Variants in USE1 observed in about 807,000 individuals in gnomAD.
USE1 encodes vesicle transport protein USE1.
In USE1, 32 loss-of-function variants were observed where a neutral mutation model predicts 37.6. The ratio of observed to expected loss-of-function variants is 0.85; its 90% CI spans 0.64 to 1.14. USE1 has a LOEUF of 1.14. Among genes scored for constraint, USE1 ranks in the 50% most tolerant of loss-of-function variants. The pLI, the probability that USE1 is intolerant of heterozygous loss-of-function variation, is 0.00. For missense variants in USE1, 310 were observed against 332.2 expected (o/e 0.93, Z 0.52); for synonymous variants, 149 against 137.6 (o/e 1.08, Z -0.58).
rs1434160025 is a variant in USE1, at chr19:17,217,317, G to A, written c.385-136G>A. ...ACCTGGCTAACTTTTTGTATTTTTAGTAGAGATGGAATTTCATTATGTTGG... is the reference window on the plus strand; with the variant it reads ...ACCTGGCTAACTTTTTGTATTTTTAATAGAGATGGAATTTCATTATGTTGG... On this transcript the variant is annotated intron_variant, in intron 4 of 7. Coordinates refer to ENST00000263897, the MANE Select transcript of USE1 (RefSeq NM_018467.4). The A allele has an allele frequency of 4.1e-6, 4 of 966,962 alleles. No homozygotes were observed. In the African/African-American group the frequency reaches 6.6e-5, roughly 16 times the overall value. The allele number at this position is 966,962 out of a possible 1,614,324, so 59.9% of individuals were successfully genotyped here.
chr19:17,215,779 G>A lies in USE1; in HGVS notation c.103-23G>A, dbSNP rs1167276595. ...CAGGACATGGGAAAGACCCCCGGGT[G>A]ACAATCCACTTTTCCTCCCCAGTAC... On this transcript the variant is annotated intron_variant, in intron 1 of 7. Transcript: ENST00000263897. The A allele has an allele frequency of 6.9e-6, 11 of 1,603,732 alleles. No individual in the cohort carries two copies. In the East Asian group the frequency reaches 2.5e-4, roughly 36 times the overall value.
Position 17,218,344 on chromosome 19 carries a change from T to C in USE1, c.395-20T>C. ...GGAAACCAACACTCGCCTTTTTTGC[T>C]TGGCCTGTTTTGCTTTCAGAGCCTG... On this transcript the variant is annotated intron_variant, in intron 5 of 7. Transcript: ENST00000263897. 1 of 1,613,568 alleles carries C rather than the reference T, an allele frequency of 6.2e-7. No homozygotes were observed. The highest frequency in any genetic ancestry group is 8.5e-7 in the Non-Finnish European group (1 of 1,179,706).
intron 5 of USE1, 29 bp from the exon 6 acceptor site, chr19:17,218,335 C>G (rs1292504010): frequency 1.2e-6 from 2 of 1,613,462 alleles, no homozygotes. Context: ...CAACACTCGC[C>G]TTTTTTGCTT....
intron 4 of USE1, 137 bp from the exon 5 acceptor site, chr19:17,217,316 A>G: frequency 1.0e-6 from 1 of 952,762 alleles, no homozygotes; most frequent in Admixed American, 2.2e-5. Flanking sequence ...TTGTATTTTT[A>G]GTAGAGATGG....
rs1451188885 is a variant in USE1, at chr19:17,219,218, T to G, written c.428T>G (p.Val143Gly). ...PEMDVRKRTG[V>G]AGSQPVSEKQ... ...CCCCCCGTGTGTGAAATCAGTGGAGTGGCAGGGTCCCAGCCAGTGAGTGAG... is the reference window on the plus strand; with the variant it reads ...CCCCCCGTGTGTGAAATCAGTGGAGGGGCAGGGTCCCAGCCAGTGAGTGAG... The change falls in exon 7 of 8, where the codon GTG (valine) becomes GGG (glycine). Residue 143 changes from valine to glycine, a missense_variant. Coordinates refer to ENST00000263897, the MANE Select transcript of USE1 (RefSeq NM_018467.4). 3 of 1,609,832 alleles carry G rather than the reference T, an allele frequency of 1.9e-6. No individual in the cohort carries two copies. Among genetic ancestry groups the G allele is most frequent in the Admixed American group, 3.3e-5 (2 of 59,726 alleles).
chr19:17,218,498 A>C, intron 6 of USE1, 107 bp downstream of exon 6: 1 of 1,435,044 alleles, frequency 7.0e-7, no homozygotes, highest in Non-Finnish European at 9.5e-7. Flanking sequence ...CAAGGATCTA[A>C]ACCAACCAGA....
At chr19:17,217,911 C>CA (rs879400556) in intron 5 of USE1, 13,712 of 243,826 alleles carry the variant, frequency 0.056, no homozygotes, top group South Asian at 0.1. Context: ...GACTCCGTCT[C>CA]AAAAAAAAAA....
In USE1 at chr19:17,215,377, C is replaced by T; in HGVS notation, c.-29C>T. 6.5e-7 allele frequency: 1 copy of T among 1,546,140 alleles called. No homozygotes were observed. The highest frequency in any genetic ancestry group is 2.4e-5 in the East Asian group (1 of 40,944). On this transcript the variant is annotated 5_prime_UTR_variant, in exon 1 of 8. Transcript: ENST00000263897. ...CCGCCCTCTCTTAACATGGAGCCGG[C>T]GGAAGGGGTGGTGTAGGGCCGGGCG... is the stretch of plus-strand genomic sequence containing the variant.
At chr19:17,215,743 A>G in intron 1 of USE1, 59 bp from the exon 2 acceptor site, 127 of 678,776 alleles carry the variant, frequency 1.9e-4, no homozygotes, top group Non-Finnish European at 2.5e-4. Context: ...CGCCCCCCCG[A>G]CTCCCATGAT....
rs373164359 is a variant in USE1, at chr19:17,216,281, C to T, written c.344C>T (p.Ala115Val). Residue 115 changes from alanine (A) to valine (V), a missense_variant, in exon 4 of 8, where the codon GCG (alanine) becomes GTG (valine). Physicochemically the swap from Ala to Val is moderately conservative, Grantham distance 64 (BLOSUM62 0). Coordinates refer to ENST00000263897, the MANE Select transcript of USE1 (RefSeq NM_018467.4). ...ATKTVHLQSR[A>V]RYTSEMRSEL... is the part of the protein sequence containing the mutation. Reference sequence around the variant, plus strand: ...AAGACGGTGCATCTGCAGTCACGGGCGCGGTACACCAGCGAGATGCGGAGT... The same window carrying T: ...AAGACGGTGCATCTGCAGTCACGGGTGCGGTACACCAGCGAGATGCGGAGT... 27 of 1,612,812 alleles carry T rather than the reference C, an allele frequency of 1.7e-5. 1 individual carries two copies. The South Asian group carries it at 2.0e-4, about 12-fold the overall frequency.
At position 17,216,336 on chromosome 19, in the gene USE1, C is replaced by G; in HGVS notation, c.384+15C>G. 1 of 1,605,958 alleles carries G rather than the reference C, an allele frequency of 6.2e-7. No individual in the cohort carries two copies. The highest frequency in any genetic ancestry group is 1.3e-5 in the African/African-American group (1 of 74,924). ...TACTAGGCACGGTAGGGCTCCTTCC[C>G]TGGTCCCTGGGAATCCCTTGGACAG... On this transcript the variant is annotated intron_variant, in intron 4 of 7. Coordinates refer to ENST00000263897, the MANE Select transcript of USE1 (RefSeq NM_018467.4).
chr19:17,218,324 C>T, intron 5 of USE1, 40 bp from the exon 6 acceptor site: 1 of 1,613,234 alleles, frequency 6.2e-7, no homozygotes, highest in East Asian at 2.2e-5. Flanking sequence ...AAACGGGAAA[C>T]CAACACTCGC....
rs1172057007 is a variant in USE1 at position 17,215,871 on chromosome 19, G to C, written c.152+20G>C. On this transcript the variant is annotated intron_variant, in intron 2 of 7. Transcript: ENST00000263897. ...CGCGAGGTGAGTGCAGGCAGCCTCA[G>C]GGCTTTCACATCAGCACGTGGCTGT... 3 of 1,602,992 alleles carry C rather than the reference G, an allele frequency of 1.9e-6. No homozygotes were observed. The highest frequency in any genetic ancestry group is 2.7e-5 in the African/African-American group (2 of 74,720).
At chr19:17,218,836 A>C in intron 6 of USE1, 1 of 157,680 alleles carries the variant, frequency 6.3e-6, no homozygotes, top group Admixed American at 6.5e-5. Context: ...CAAAAAAAAA[A>C]AAAAAAAAAA....
intron 4 of USE1, among the ~76,000 whole-genome samples, chr19:17,217,198 C>T (rs911483364): frequency 4.7e-5 from 7 of 149,546 alleles, no homozygotes; most frequent in Admixed American, 1.3e-4. Context: ...TGTGGTGGCG[C>T]GATCTCGGCT....
rs1182127808 is a variant in USE1, at chr19:17,216,213, T to A, written c.276T>A (p.Pro92=). 2 of 1,612,834 alleles carry A rather than the reference T, an allele frequency of 1.2e-6. No individual in the cohort carries two copies. The highest frequency in any genetic ancestry group is 3.3e-4 in the Middle Eastern group (2 of 6,062). ...EKALANQFLA[P]GRVPTTARER... is the part of the protein sequence containing the mutation. ...CACTGGCCAACCAGTTCCTGGCCCC[T>A]GGCCGTGTGCCAACCACAGCCAGAG... is the stretch of plus-strand genomic sequence containing the variant. Residue 92 remains proline, a synonymous_variant, in exon 4 of 8, where the codon CCT becomes CCA. Transcript: ENST00000263897.
Position 17,215,371 on chromosome 19 carries a change from AGCCGGCGGAAGGGGTGGTGTAGG to A in USE1, c.-29_-7del. ...GCACTTCCGCCCTCTCTTAACATGG[AGCCGGCGGAAGGGGTGGTGTAGG>A]GCCGGGCGATAATGGCGGCGTCGAG... On this transcript the variant is annotated 5_prime_UTR_variant, in exon 1 of 8. An upstream open reading frame in the 5' UTR loses its in-frame stop. Coordinates refer to ENST00000263897, the MANE Select transcript of USE1 (RefSeq NM_018467.4). 1.3e-6 allele frequency: 2 copies of A among 1,544,862 alleles called. No homozygotes were observed. The highest frequency in any genetic ancestry group is 1.7e-4 in the Middle Eastern group (1 of 5,916).
rs2073281193 is a variant in USE1, at chr19:17,215,394, G to A, written c.-12G>A. 4.5e-6 allele frequency: 7 copies of A among 1,553,696 alleles called. No individual in the cohort carries two copies. In the East Asian group the frequency reaches 1.5e-4, roughly 32 times the overall value. ...GGAGCCGGCGGAAGGGGTGGTGTAGGGCCGGGCGATAATGGCGGCGTCGAG... is the reference window on the plus strand; with the variant it reads ...GGAGCCGGCGGAAGGGGTGGTGTAGAGCCGGGCGATAATGGCGGCGTCGAG... On this transcript the variant is annotated 5_prime_UTR_variant, in exon 1 of 8. Coordinates refer to ENST00000263897, the MANE Select transcript of USE1 (RefSeq NM_018467.4).
In USE1 at chr19:17,215,840, G is replaced by A; in HGVS notation, c.141G>A (p.Lys47=). The A allele has an allele frequency of 1.9e-6, 3 of 1,609,660 alleles. No individual in the cohort carries two copies. Among genetic ancestry groups the A allele is most frequent in the Non-Finnish European group, 2.5e-6 (3 of 1,178,316 alleles). Reference sequence around the variant, plus strand: ...TAGAGGACATGTTGCAGGCCCTGAAGGTCCACGCGAGGTGAGTGCAGGCAG... The same window carrying A: ...TAGAGGACATGTTGCAGGCCCTGAAAGTCCACGCGAGGTGAGTGCAGGCAG... The part of the protein sequence containing the change: ...GALEDMLQAL[K]VHASKPASEV... Residue 47 remains lysine, a synonymous_variant, in exon 2 of 8, where the codon AAG becomes AAA. Transcript: ENST00000263897.
Sources: gnomAD v4.1 joint callset for allele counts (sites outside exome capture counted in the v4.1 genomes callset) on GRCh38, gnomAD v4.1.1 for gene constraint, MANE v1.5 for transcripts, NCBI Gene and HGNC (gene_info 2026-07-23, HGNC 2026-07-21) for gene names.